Variants in RIF1 observed in about 807,000 individuals in gnomAD.
The protein encoded by RIF1 is telomere-associated protein RIF1.
In RIF1, 45 loss-of-function variants were observed where a neutral mutation model predicts 247.1. The ratio of observed to expected loss-of-function variants is 0.18; its 90% confidence interval spans 0.14 to 0.23. The LOEUF is 0.23. Ranked by LOEUF, RIF1 falls within the 10% of genes least tolerant of loss-of-function variation. The probability of loss-of-function intolerance (pLI) is 1.00; values close to 1 mark genes in which losing one functional copy is unlikely to be tolerated. For synonymous variants in RIF1, 1,087 were observed against 978.8 expected, an observed-to-expected ratio of 1.11 and a Z score of -2.06; for missense variants, 2,967 against 2,862.5, an observed-to-expected ratio of 1.04 and a Z score of -0.83.
chr2:151,468,360 CTT>C (rs1386558679), intron 31 of RIF1, 112 bp from the exon 32 acceptor site: 6 of 959,822 alleles, frequency 6.3e-6, no homozygotes, highest in African/African-American at 3.3e-5. Context: ...GTAGATTACT[CTT>C]TTTATGTTTT....
chr2:151,532,813 A>T, the RIF1 span, among the ~76,000 whole-genome samples: 1 of 151,984 alleles, frequency 6.6e-6, no homozygotes, highest in African/African-American at 2.4e-5. Flanking sequence ...ACCAATTATC[A>T]CTGTTTATTG....
intron 12 of RIF1, chr2:151,505,703 G>T: frequency 2.8e-6 from 2 of 712,494 alleles, no homozygotes; most frequent in Middle Eastern, 3.8e-4. Context: ...TTTATACTTA[G>T]TGTGAATGGG....
chr2:151,499,920 T>C (rs537095240), intron 11 of RIF1, among the ~76,000 whole-genome samples: 2 of 152,168 alleles, frequency 1.3e-5, no homozygotes, highest in South Asian at 4.1e-4. Flanking sequence ...CTGGGCAATT[T>C]TGCCTAAATG....
At position 151,457,961 on chromosome 2, in the gene RIF1, A is replaced by T; in HGVS notation, c.2853A>T (p.Leu951Phe). The change falls in exon 24 of 36, where the codon TTA becomes TTT. Residue 951 changes from leucine to phenylalanine, a missense_variant and splice_region_variant. Physicochemically the swap from Leu to Phe is conservative, Grantham distance 22. Transcript: ENST00000444746. ...KVMMLVYPEE[L>F]KPVLTQAKQK... ...TGATGTTGGTTTATCCTGAAGAGTT[A>T]AAGTATGCTAACAACAAAACTTATA... 6.2e-7 allele frequency: 1 copy of T among 1,610,690 alleles called. No homozygotes were observed. Among genetic ancestry groups the T allele is most frequent in the Non-Finnish European group, 8.5e-7 (1 of 1,177,250 alleles).
chr2:151,469,684 A>G (rs771905235), intron 33 of RIF1, 27 bp from the exon 34 acceptor site: 93 of 1,467,634 alleles, frequency 6.3e-5, no homozygotes, highest in Non-Finnish European at 8.0e-5. Context: ...CTATATAATT[A>G]TAATTTCCTG....
rs1160511236 is a variant in RIF1, at chr2:151,496,374, C to T, written c.*513+1048C>T. On this transcript the variant is annotated intron_variant and NMD_transcript_variant, in intron 10 of 13. Coordinates refer to the RIF1 transcript ENST00000454583. The stretch of plus-strand genomic sequence containing the variant: ...ATGTTTTCTTTGTATAACACCTGTG[C>T]GATGAGAAAGCATCCAGAAAAACAA... 9 of 1,601,678 alleles carry T rather than the reference C, an allele frequency of 5.6e-6. No individual in the cohort carries two copies. The highest frequency in any genetic ancestry group is 6.8e-6 in the Non-Finnish European group (8 of 1,173,120).
chr2:151,461,774 A>G (rs1269038320), intron 27 of RIF1, among the ~76,000 whole-genome samples: 1 of 152,204 alleles, frequency 6.6e-6, no homozygotes, highest in African/African-American at 2.4e-5. Context: ...TAATGTACCA[A>G]ATATTTATAA....
chr2:151,442,984 G>C (rs919824679), intron 16 of RIF1, among the ~76,000 whole-genome samples: 7 of 151,698 alleles, frequency 4.6e-5, no homozygotes, highest in African/African-American at 1.7e-4. Context: ...CACTGTGTTA[G>C]CCAGGATGGT....
intron 7 of RIF1, among the ~76,000 whole-genome samples, chr2:151,421,217 G>A (rs1192559303): frequency 6.6e-6 from 1 of 152,226 alleles, no homozygotes; most frequent in Non-Finnish European, 1.5e-5. Context: ...AGATAATTAA[G>A]TACATAGTGT....
At chr2:151,494,717 C>G (rs1574834215) in intron 9 of RIF1, among the ~76,000 whole-genome samples, 1 of 152,188 alleles carries the variant, frequency 6.6e-6, no homozygotes, top group Non-Finnish European at 1.5e-5. Context: ...GGCACGATCC[C>G]TGCTCACTGC....
chr2:151,430,751 C>T lies in RIF1; in HGVS notation c.925+1829C>T, dbSNP rs1173892662. On this transcript the variant is annotated intron_variant, in intron 9 of 35. Transcript: ENST00000444746. The stretch of plus-strand genomic sequence containing the variant: ...GACTGCAGCCTTGACCTCCTGGGCT[C>T]CAGTGATCCTCCCACCTCAGCCCCC... Among the ~76,000 whole-genome samples the T allele has an allele frequency of 5.4e-5, 7 of 129,706 alleles. No individual in the cohort carries two copies. In the East Asian group the frequency reaches 1.7e-3, roughly 31 times the overall value. The allele number at this position is 129,706 out of a possible 152,430, so 85.1% of individuals were successfully genotyped here. A position where few individuals can be genotyped will look rare whatever the true frequency, so the allele number is the denominator to read the frequency against.
intron 11 of RIF1, among the ~76,000 whole-genome samples, chr2:151,499,707 C>G (rs1337762220): frequency 6.6e-6 from 1 of 152,050 alleles, no homozygotes; most frequent in Non-Finnish European, 1.5e-5. Context: ...AGAAAAATTG[C>G]TTAAGTTAGA....
At chr2:151,500,429 A>G (rs1291140864) in intron 11 of RIF1, among the ~76,000 whole-genome samples, 1 of 115,142 alleles carries the variant, frequency 8.7e-6, no homozygotes, top group East Asian at 2.5e-4. Context: ...ATAATACACA[A>G]ATAATTTGTG....
intron 8 of RIF1, among the ~76,000 whole-genome samples, chr2:151,424,765 C>T (rs1330584929): frequency 6.7e-6 from 1 of 149,724 alleles, no homozygotes; most frequent in East Asian, 2.0e-4. Flanking sequence ...GTCTCCCAGT[C>T]TCAAACCATC....
rs775585377 is a variant in RIF1 at position 151,411,351 on chromosome 2, T to C, written c.183+13T>C. On this transcript the variant is annotated intron_variant, in intron 3 of 35. Transcript: ENST00000444746. ...CAAAGTTTTAAAGGTATGTATCTGTTTGTTAAACAGTTTTTCACTTTTGGT... is the reference window on the plus strand; with the variant it reads ...CAAAGTTTTAAAGGTATGTATCTGTCTGTTAAACAGTTTTTCACTTTTGGT... The C allele has an allele frequency of 6.6e-7, 1 of 1,505,156 alleles. No individual in the cohort carries two copies. Among genetic ancestry groups the C allele is most frequent in the Non-Finnish European group, 9.1e-7 (1 of 1,102,076 alleles). The allele number at this position is 1,505,156 out of a possible 1,614,324, so 93.2% of individuals were successfully genotyped here. A position where few individuals can be genotyped will look rare whatever the true frequency, so the allele number is the denominator to read the frequency against.
chr2:151,503,271 ACTTT>A lies in RIF1; in HGVS notation c.*861+91_*861+94del, dbSNP rs370421594. The A allele has an allele frequency of 3.8e-4, 405 of 1,061,912 alleles. 1 individual carries two copies. In the African/African-American group the frequency reaches 5.8e-3, roughly 15 times the overall value. 65.8% of individuals were successfully genotyped at this position (1,061,912 alleles called of 1,614,324 possible). ...CACACAGAATTGCTGTTAAGATGTT[ACTTT>A]CTTTAAAAAAGATGGGTTATTGTGG... On this transcript the variant is annotated intron_variant and NMD_transcript_variant, in intron 12 of 13. Coordinates refer to the RIF1 transcript ENST00000454583.
At chr2:151,519,787 A>G in the RIF1 span, 11 of 1,484,028 alleles carry the variant, frequency 7.4e-6, no homozygotes, top group Middle Eastern at 1.7e-4. Context: ...AAATGCAAAC[A>G]TCCAAATTAT....
Position 151,445,417 on chromosome 2 carries a change from A to G in RIF1, c.2066A>G (p.His689Arg). The G allele has an allele frequency of 6.3e-7, 1 of 1,595,142 alleles. No homozygotes were observed. The highest frequency in any genetic ancestry group is 8.6e-7 in the Non-Finnish European group (1 of 1,162,706). ...IYGALTLPVN[H>R]IFSEQRFPVA... ...GGTGCATTGACTTTACCAGTAAACCACATTTTTTCAGAACAGAGATTTCCA... is the reference window on the plus strand; with the variant it reads ...GGTGCATTGACTTTACCAGTAAACCGCATTTTTTCAGAACAGAGATTTCCA... The change falls in exon 19 of 36, where the codon CAC becomes CGC. Residue 689 changes from histidine to arginine, a missense_variant. Physicochemically the swap from His to Arg is conservative, Grantham distance 29. Transcript: ENST00000444746.
chr2:151,422,325 G>A (rs2152200432), intron 7 of RIF1, among the ~76,000 whole-genome samples: 1 of 152,050 alleles, frequency 6.6e-6, no homozygotes, highest in African/African-American at 2.4e-5. Flanking sequence ...TTAGGGTAAA[G>A]TATATTGGTA....
Sources: allele counts gnomAD v4.1 joint callset (sites outside exome capture counted in the v4.1 genomes callset), GRCh38; gene constraint gnomAD v4.1.1; transcripts MANE v1.5; gene names NCBI Gene and HGNC (gene_info 2026-07-23, HGNC 2026-07-21).